The following LDB1 variants were observed in gnomAD, a reference collection of about 807,000 sequenced individuals.
The protein encoded by LDB1 is LIM domain binding 1.
Under a neutral mutation model 49.7 loss-of-function variants are expected in LDB1, and 6 were observed. That is an observed-to-expected ratio of 0.12 (90% CI 0.07 to 0.24). The LOEUF is 0.24. LDB1 is among the 10% of genes least tolerant of loss of function. LDB1 has a pLI of 1.00. For missense variants in LDB1, 341 were observed against 561.7 expected (o/e 0.61, Z 3.97); for synonymous variants, 233 against 202.0 (o/e 1.15, Z -1.30).
chr10:102,113,774 A>AAAAAC (rs2068290577), intron 1 of LDB1, among the ~76,000 whole-genome samples: 1 of 152,066 alleles, frequency 6.6e-6, no homozygotes, highest in Non-Finnish European at 1.5e-5. Context: ...AAAAAAAAAA[A>AAAAAC]AAAACTCTCA....
chr10:102,111,775 T>G (rs1036961452), intron 1 of LDB1, among the ~76,000 whole-genome samples: 1 of 152,074 alleles, frequency 6.6e-6, no homozygotes, highest in South Asian at 2.1e-4. Context: ...CACTTGAGCC[T>G]GGGAGGTCAA....
chr10:102,111,613 A>G (rs959897411), intron 1 of LDB1, 77 bp from the exon 2 acceptor site: 1 of 806,246 alleles, frequency 1.2e-6, no homozygotes, highest in East Asian at 2.7e-5. Context: ...AGTCCAAGGC[A>G]AGAAGATTGA....
rs776230908 is a variant in LDB1 at position 102,111,470 on chromosome 10, G to C, written c.92C>G (p.Pro31Arg). 36 of 1,567,032 alleles carry C rather than the reference G, an allele frequency of 2.3e-5. No homozygotes were observed. The highest frequency in any genetic ancestry group is 1.7e-4 in the Middle Eastern group (1 of 5,850). The change falls in exon 2 of 11, where the codon CCC (proline) becomes CGC (arginine). Residue 31 changes from proline to arginine, a missense_variant. Physicochemically the swap from Pro to Arg is moderately radical, Grantham distance 103. Transcript: ENST00000673968. ...ATCCAGCATGGTGCCGGGATGGAAG[G>C]GGGGAAAGGCGTTGCCGTTCGGGGG... ...KEPPNGNAFP[P>R]FHPGTMLDRD... is the part of the protein sequence containing the mutation.
In LDB1 at chr10:102,109,845, G is replaced by A. The variant is rs2068223822; in HGVS notation, c.648+76C>T. 7 of 1,581,954 alleles carry A rather than the reference G, an allele frequency of 4.4e-6. No individual in the cohort carries two copies. The highest frequency in any genetic ancestry group is 1.3e-5 in the African/African-American group (1 of 74,370). On this transcript the variant is annotated intron_variant, in intron 7 of 10. Transcript: ENST00000673968. This position sits in a 1 kb window ranked among gnomAD's most constrained non-coding sequence, Gnocchi z 5.8. ...TAACCCTCTGTCTAAGTAGTCAGTC[G>A]GGAAATGGCAGACCTTGTTCCACCC...
Position 102,111,135 on chromosome 10 carries a change from T to C in LDB1, c.183A>G (p.Thr61=). 1 of 1,614,110 alleles carries C rather than the reference T, an allele frequency of 6.2e-7. No homozygotes were observed. The highest frequency in any genetic ancestry group is 8.5e-7 in the Non-Finnish European group (1 of 1,179,994). The change falls in exon 4 of 11, where the codon ACA becomes ACG. Residue 61 remains threonine, a synonymous_variant. Coordinates refer to ENST00000673968, the MANE Select transcript of LDB1 (RefSeq NM_001113407.3). ...TGTAGTCAGTTTGGTTGCCATATGG[T>C]GTGTGCCTCCTGGAGGAAGTGAAGG... ...TYLEPGIGRH[T]PYGNQTDYRI... is the part of the protein sequence containing the mutation.
At chr10:102,102,999 G>A (rs527747768), downstream of LDB1, among the ~76,000 whole-genome samples, 5 of 152,218 alleles carry the variant, frequency 3.3e-5, no homozygotes, top group Admixed American at 6.5e-5. Context: ...CAGTGGCTTC[G>A]AAGTCCATCA....
Position 102,115,008 on chromosome 10 carries a change from C to A in LDB1, c.26-3472G>T, listed in dbSNP as rs773885044. On this transcript the variant is annotated intron_variant, in intron 1 of 10. Transcript: ENST00000673968. ...CTCCGAGCCTCTCTCAGAATGAGGCCCCAGGGCGGGCGGAGGGTGGAGCTG... is the reference window on the plus strand; with the variant it reads ...CTCCGAGCCTCTCTCAGAATGAGGCACCAGGGCGGGCGGAGGGTGGAGCTG... The A allele has an allele frequency of 6.7e-5, 18 of 268,416 alleles. 1 individual carries two copies. Among genetic ancestry groups the A allele is most frequent in the Admixed American group, 6.5e-4 (10 of 15,428 alleles). 16.6% of individuals were successfully genotyped at this position (268,416 alleles called of 1,614,324 possible).
At chr10:102,114,812 G>GGGGGGCCC in intron 1 of LDB1, 16 of 929,780 alleles carry the variant, frequency 1.7e-5, no homozygotes, top group South Asian at 5.0e-5. Flanking sequence ...CCTCCGAGCA[G>GGGGGGCCC]CCCGCCCGCC....
At position 102,120,071 on chromosome 10, in the gene LDB1, G is replaced by A. The variant is rs1323753896; in HGVS notation, c.25+15C>T. 7 of 1,431,986 alleles carry A rather than the reference G, an allele frequency of 4.9e-6. No individual in the cohort carries two copies. Among genetic ancestry groups the A allele is most frequent in the South Asian group, 2.7e-5 (2 of 72,960 alleles). The allele number at this position is 1,431,986 out of a possible 1,614,324, so 88.7% of individuals were successfully genotyped here. A position where few individuals can be genotyped will look rare whatever the true frequency, so the allele number is the denominator to read the frequency against. On this transcript the variant is annotated intron_variant, in intron 1 of 10. Transcript: ENST00000673968. The stretch of plus-strand genomic sequence containing the variant: ...CTGGGCAGGAAGGGGCCGAGTGGCC[G>A]CACGCCCCACTCACCAGGACAGGCA...
chr10:102,119,521 G>A (rs2068381371), intron 1 of LDB1, among the ~76,000 whole-genome samples: 2 of 152,012 alleles, frequency 1.3e-5, no homozygotes, highest in African/African-American at 4.8e-5. Flanking sequence ...CAATTATCTG[G>A]CACCTCTTAG....
intron 4 of LDB1, 37 bp from the exon 5 acceptor site, chr10:102,111,008 G>C: frequency 6.2e-7 from 1 of 1,611,390 alleles, no homozygotes; most frequent in Non-Finnish European, 8.5e-7. Flanking sequence ...TGTGTCATAA[G>C]ATATCCCATA....
downstream of LDB1, among the ~76,000 whole-genome samples, chr10:102,103,793 G>A (rs149975522): frequency 1.7e-4 from 26 of 151,950 alleles, no homozygotes; most frequent in African/African-American, 6.0e-4. Flanking sequence ...CAGCCTCGTC[G>A]ACAGAACAAG....
In LDB1 at chr10:102,110,647, G is replaced by A; in HGVS notation, c.407C>T (p.Ala136Val). 6.2e-7 allele frequency: 1 copy of A among 1,613,920 alleles called. No individual in the cohort carries two copies. The highest frequency in any genetic ancestry group is 8.5e-7 in the Non-Finnish European group (1 of 1,179,908). ...RYFRSIFEGG[A>V]TELYYVLKHP... The stretch of plus-strand genomic sequence containing the variant: ...CTTAAGAACATAGTACAGCTCCGTA[G>A]CACCCCCCTCAAAGATGCTGCGGAA... The change falls in exon 6 of 11, where the codon GCT becomes GTT. Residue 136 changes from alanine (A) to valine (V), a missense_variant. Physicochemically the swap from Ala to Val is moderately conservative, Grantham distance 64 (BLOSUM62 0). Around this residue, in one of 5 missense-constraint regions of LDB1, gnomAD observed 233 missense variants for 385.7 expected, o/e 0.60. Coordinates refer to ENST00000673968, the MANE Select transcript of LDB1 (RefSeq NM_001113407.3).
chr10:102,120,462 C>T, upstream of LDB1: 1 of 920,648 alleles, frequency 1.1e-6, no homozygotes, highest in African/African-American at 1.8e-5. Flanking sequence ...CGCGCTCGCG[C>T]TCCCTCGCGC....
At position 102,109,552 on chromosome 10, in the gene LDB1, G is replaced by C. The variant is rs1382914858; in HGVS notation, c.733-45C>G. ...TGGCTTGTCAGGGGACAGACATGGA[G>C]CCGAGACTAAATGGACTGGGGCAGA... On this transcript the variant is annotated intron_variant, in intron 8 of 10. Transcript: ENST00000673968. This position sits in a 1 kb window ranked among gnomAD's most constrained non-coding sequence, Gnocchi z 5.8. 6.2e-7 allele frequency: 1 copy of C among 1,614,126 alleles called. No individual in the cohort carries two copies. Among genetic ancestry groups the C allele is most frequent in the East Asian group, 2.2e-5 (1 of 44,886 alleles).
intron 10 of LDB1, 117 bp downstream of exon 10, chr10:102,108,912 G>C (rs2068209032): frequency 1.5e-6 from 2 of 1,346,920 alleles, no homozygotes; most frequent in East Asian, 4.6e-5. Flanking sequence ...CATGCTGGCA[G>C]AGTACATGAG....
At chr10:102,103,310 T>A (rs1342167144), downstream of LDB1, among the ~76,000 whole-genome samples, 1 of 144,180 alleles carries the variant, frequency 6.9e-6, no homozygotes, top group Admixed American at 6.9e-5. Context: ...GTACAGGCGT[T>A]CTGAACCACT....
rs2068184307 is a variant in LDB1, at chr10:102,107,734, A to G, written c.*359T>C. The G allele has an allele frequency of 3.1e-6, 1 of 318,118 alleles. No homozygotes were observed. Among genetic ancestry groups the G allele is most frequent in the Non-Finnish European group, 5.9e-6 (1 of 169,042 alleles). The allele number at this position is 318,118 out of a possible 1,614,324, so 19.7% of individuals were successfully genotyped here. A position where few individuals can be genotyped will look rare whatever the true frequency, so the allele number is the denominator to read the frequency against. ...AAGTCCCTAAGGGCTGTGGGTATAGACAACCCCAGGCTTGAAAGGGGTAAA... is the reference window on the plus strand; with the variant it reads ...AAGTCCCTAAGGGCTGTGGGTATAGGCAACCCCAGGCTTGAAAGGGGTAAA... On this transcript the variant is annotated 3_prime_UTR_variant, in exon 11 of 11. Transcript: ENST00000673968.
At position 102,109,550 on chromosome 10, in the gene LDB1, G is replaced by A; in HGVS notation, c.733-43C>T. On this transcript the variant is annotated intron_variant, in intron 8 of 10. Transcript: ENST00000673968. This position sits in a 1 kb window ranked among gnomAD's most constrained non-coding sequence, Gnocchi z 5.8. ...GGTGGCTTGTCAGGGGACAGACATG[G>A]AGCCGAGACTAAATGGACTGGGGCA... is the stretch of plus-strand genomic sequence containing the variant. The A allele has an allele frequency of 6.2e-7, 1 of 1,614,130 alleles. No individual in the cohort carries two copies. Among genetic ancestry groups the A allele is most frequent in the East Asian group, 2.2e-5 (1 of 44,884 alleles).
Sources: gnomAD v4.1 joint callset for allele counts (sites outside exome capture counted in the v4.1 genomes callset) on GRCh38, gnomAD v4.1.1 for gene constraint, gnomAD v4.1.1 regional missense constraint, Gnocchi (gnomAD v3.1) non-coding constraint, MANE v1.5 for transcripts, NCBI Gene and HGNC (gene_info 2026-07-23, HGNC 2026-07-21) for gene names.